The following ABTB3 variants were observed in gnomAD, a reference collection of about 807,000 sequenced individuals.
ABTB3 encodes ankyrin repeat- and BTB/POZ domain-containing protein 3.
At chr12:107,648,830 G>A in the ABTB3 span, among the ~76,000 whole-genome samples, 1 of 151,996 alleles carries the variant, frequency 6.6e-6, no homozygotes, top group Admixed American at 6.6e-5. Context: ...CAGCAGTTCC[G>A]CGCAGCATGA....
the ABTB3 span, among the ~76,000 whole-genome samples, chr12:107,452,497 C>T: frequency 9.9e-5 from 15 of 152,022 alleles, no homozygotes; most frequent in Admixed American, 2.6e-4. Context: ...TGAGCCACCG[C>T]GCCCGGCCAT....
the ABTB3 span, among the ~76,000 whole-genome samples, chr12:107,616,243 G>A: frequency 6.6e-6 from 1 of 152,346 alleles, no homozygotes. Context: ...GGAACAGTAA[G>A]CAGCCAAGCA....
the ABTB3 span, among the ~76,000 whole-genome samples, chr12:107,404,162 C>CAAAAAAAA: frequency 5.2e-4 from 21 of 40,206 alleles, no homozygotes; most frequent in Non-Finnish European, 6.7e-4. Context: ...GACTCTAACT[C>CAAAAAAAA]AAAAAAAAAA....
chr12:107,633,999 G>A, the ABTB3 span, among the ~76,000 whole-genome samples: 12 of 152,324 alleles, frequency 7.9e-5, no homozygotes, highest in East Asian at 1.2e-3. Context: ...TATTAAGTGA[G>A]GGGAGCACCG....
the ABTB3 span, among the ~76,000 whole-genome samples, chr12:107,635,740 C>A: frequency 6.6e-6 from 1 of 151,986 alleles, no homozygotes; most frequent in African/African-American, 2.4e-5. Context: ...ACTCTCCCCT[C>A]TAAAAGTCCT....
At chr12:107,567,984 C>G in the ABTB3 span, among the ~76,000 whole-genome samples, 163 of 152,330 alleles carry the variant, frequency 1.1e-3, 1 homozygote, top group African/African-American at 3.9e-3. Context: ...TGTGCTGATG[C>G]TCACACAATG....
the ABTB3 span, among the ~76,000 whole-genome samples, chr12:107,574,210 G>A: frequency 6.6e-6 from 1 of 152,100 alleles, no homozygotes; most frequent in South Asian, 2.1e-4. Context: ...CTTGGCAAAG[G>A]CTCATGAACC....
At chr12:107,508,438 C>CTTTTTTTTTTTTTTTTTGTTTTTTTTTTT in the ABTB3 span, among the ~76,000 whole-genome samples, 1 of 69,150 alleles carries the variant, frequency 1.4e-5, no homozygotes, top group Non-Finnish European at 2.7e-5. Context: ...AAGATCATTT[C>CTTTTTTTTTTTTTTTTTGTTTTTTTTTTT]TTTTTTTTTT....
the ABTB3 span, among the ~76,000 whole-genome samples, chr12:107,365,103 G>A: frequency 6.6e-6 from 1 of 152,330 alleles, no homozygotes; most frequent in African/African-American, 2.4e-5. Context: ...CCTACTGAAT[G>A]TATGGCCTTG....
At chr12:107,519,217 T>C in the ABTB3 span, among the ~76,000 whole-genome samples, 1 of 152,244 alleles carries the variant, frequency 6.6e-6, no homozygotes, top group African/African-American at 2.4e-5. Flanking sequence ...TCTGTGTGTC[T>C]CTTATGCCAG....
At chr12:107,473,210 G>A in the ABTB3 span, among the ~76,000 whole-genome samples, 1 of 152,154 alleles carries the variant, frequency 6.6e-6, no homozygotes, top group Non-Finnish European at 1.5e-5. Context: ...GTACAGCCCA[G>A]TGCCTTTTTA....
At chr12:107,540,766 T>C in the ABTB3 span, among the ~76,000 whole-genome samples, 1 of 152,022 alleles carries the variant, frequency 6.6e-6, no homozygotes, top group African/African-American at 2.4e-5. Flanking sequence ...GGAGGATCAC[T>C]TGAGGCCAGA....
the ABTB3 span, chr12:107,318,863 G>A: frequency 6.9e-7 from 1 of 1,458,218 alleles, no homozygotes; most frequent in Non-Finnish European, 9.1e-7. Context: ...GGCTCTCCCC[G>A]CGCCCCGCGG....
the ABTB3 span, among the ~76,000 whole-genome samples, chr12:107,442,990 T>C: frequency 6.6e-6 from 1 of 152,256 alleles, no homozygotes; most frequent in South Asian, 2.1e-4. Flanking sequence ...CTGTGTCCCC[T>C]ATGGTGCAAG....
chr12:107,564,866 T>C, the ABTB3 span, among the ~76,000 whole-genome samples: 1 of 152,210 alleles, frequency 6.6e-6, no homozygotes, highest in Non-Finnish European at 1.5e-5. Context: ...GTTTAGCCCA[T>C]TGCACAGGCC....
chr12:107,416,680 A>G, the ABTB3 span, among the ~76,000 whole-genome samples: 1 of 152,102 alleles, frequency 6.6e-6, no homozygotes, highest in Non-Finnish European at 1.5e-5. Context: ...TGTTTTTAAG[A>G]GACAGGTTCT....
At chr12:107,461,266 T>G in the ABTB3 span, among the ~76,000 whole-genome samples, 1 of 152,140 alleles carries the variant, frequency 6.6e-6, no homozygotes, top group African/African-American at 2.4e-5. Flanking sequence ...AGGTGAGATT[T>G]GAGTGGGGAC....
chr12:107,537,581 C>T, the ABTB3 span, among the ~76,000 whole-genome samples: 1 of 152,138 alleles, frequency 6.6e-6, no homozygotes, highest in African/African-American at 2.4e-5. Flanking sequence ...CAGCCTTCCC[C>T]CTTGGCTTTT....
At chr12:107,548,131 G>C in the ABTB3 span, among the ~76,000 whole-genome samples, 2 of 152,150 alleles carry the variant, frequency 1.3e-5, no homozygotes, top group Non-Finnish European at 2.9e-5. Flanking sequence ...CTCCAAAAGA[G>C]AATTTCCAAT....
Sources: gnomAD v4.1 joint callset for allele counts (sites outside exome capture counted in the v4.1 genomes callset) on GRCh38, gnomAD v4.1.1 for gene constraint, MANE v1.5 for transcripts, NCBI Gene and HGNC (gene_info 2026-07-23, HGNC 2026-07-21) for gene names.